Variants in PDE7B observed in about 807,000 individuals in gnomAD.
The protein encoded by PDE7B is phosphodiesterase 7B, also known as 3',5'-cyclic-AMP phosphodiesterase 7B.
PDE7B carries 29 observed loss-of-function variants against 56.2 expected under a neutral mutation model. That is an observed-to-expected ratio of 0.52 (90% CI 0.38 to 0.70). The LOEUF (loss-of-function observed/expected upper bound fraction) is 0.70. Ranked by LOEUF, PDE7B falls within the 30% of genes least tolerant of loss-of-function variation. The probability of loss-of-function intolerance (pLI) is 0.00; values close to 1 mark genes in which losing one functional copy is unlikely to be tolerated. For synonymous variants in PDE7B, 197 were observed against 196.9 expected, an observed-to-expected ratio of 1.00 and a Z score of 0.00; for missense variants, 490 against 565.0, an observed-to-expected ratio of 0.87 and a Z score of 1.35.
At chr6:135,884,909 G>A (rs1159948383) in intron 1 of PDE7B, among the ~76,000 whole-genome samples, 1 of 152,104 alleles carries the variant, frequency 6.6e-6, no homozygotes, top group Admixed American at 6.6e-5. Context: ...AACTTAGTTA[G>A]CATTCTACAG....
intron 1 of PDE7B, among the ~76,000 whole-genome samples, chr6:135,936,615 T>C (rs1774427282): frequency 6.6e-6 from 1 of 152,084 alleles, no homozygotes; most frequent in African/African-American, 2.4e-5. Flanking sequence ...CTTTTCTGGG[T>C]CAAATCTCCC....
intron 2 of PDE7B, among the ~76,000 whole-genome samples, chr6:135,994,165 T>C (rs1020078170): frequency 7.3e-6 from 1 of 137,674 alleles, no homozygotes; most frequent in African/African-American, 2.7e-5. Flanking sequence ...TGTGTGTGTG[T>C]TTTATGTATA....
At chr6:136,051,913 T>A (rs1473100544) in intron 2 of PDE7B, among the ~76,000 whole-genome samples, 1 of 152,158 alleles carries the variant, frequency 6.6e-6, no homozygotes, top group Non-Finnish European at 1.5e-5. Context: ...GACATTTTCC[T>A]AACTTCAGAA....
chr6:136,078,156 G>A (rs1457467052), intron 2 of PDE7B, among the ~76,000 whole-genome samples: 2 of 152,178 alleles, frequency 1.3e-5, no homozygotes, highest in East Asian at 3.8e-4. Flanking sequence ...ACTGGGCAAA[G>A]AGTTGTGAGT....
intron 2 of PDE7B, among the ~76,000 whole-genome samples, chr6:135,951,751 T>C (rs972283449): frequency 6.6e-6 from 1 of 152,182 alleles, no homozygotes; most frequent in African/African-American, 2.4e-5. Flanking sequence ...GAAATTTTCA[T>C]TGGCCCTGTT....
chr6:135,909,693 AATTTT>A (rs1194472698), intron 1 of PDE7B, among the ~76,000 whole-genome samples: 3 of 152,104 alleles, frequency 2.0e-5, no homozygotes, highest in Non-Finnish European at 4.4e-5. Flanking sequence ...TTATATTTTT[AATTTT>A]ATTTTATATT....
chr6:135,981,778 T>C (rs1389980637), intron 2 of PDE7B, among the ~76,000 whole-genome samples: 6 of 151,694 alleles, frequency 4.0e-5, no homozygotes. Flanking sequence ...TTTTTTTTTT[T>C]CAGAAGTAGG....
intron 2 of PDE7B, among the ~76,000 whole-genome samples, chr6:136,020,009 A>G (rs1257748795): frequency 6.6e-6 from 1 of 152,184 alleles, no homozygotes; most frequent in African/African-American, 2.4e-5. Context: ...TATGTTATTC[A>G]AGGGTCAACT....
intron 2 of PDE7B, among the ~76,000 whole-genome samples, chr6:136,035,714 G>A (rs147717892): frequency 1.1e-4 from 16 of 152,198 alleles, no homozygotes; most frequent in African/African-American, 2.9e-4. Flanking sequence ...GGAAGTATTC[G>A]TGCTCAGTGA....
intron 1 of PDE7B, among the ~76,000 whole-genome samples, chr6:135,867,611 G>A (rs1176764692): frequency 6.6e-6 from 1 of 152,032 alleles, no homozygotes; most frequent in Non-Finnish European, 1.5e-5. Context: ...AGGCCCCAGT[G>A]TGCACTGTTC....
Position 135,852,030 on chromosome 6 carries a change from C to T in PDE7B, c.21+11C>T, listed in dbSNP as rs777645634. 2 of 1,596,452 alleles carry T rather than the reference C, an allele frequency of 1.3e-6. No individual in the cohort carries two copies. Among genetic ancestry groups the T allele is most frequent in the Non-Finnish European group, 1.7e-6 (2 of 1,164,004 alleles). ...TGTTTAATGGTTGAGGTATGTACAA[C>T]AAATTTAAGCGGCAAGCTCAGTTTT... On this transcript the variant is annotated intron_variant, in intron 1 of 12. Coordinates refer to ENST00000308191, the MANE Select transcript of PDE7B (RefSeq NM_018945.4).
At chr6:136,059,118 A>G (rs1219991124) in intron 2 of PDE7B, among the ~76,000 whole-genome samples, 1 of 152,162 alleles carries the variant, frequency 6.6e-6, no homozygotes, top group African/African-American at 2.4e-5. Context: ...ACTAACAGCA[A>G]CTTTACAGTT....
At chr6:135,870,112 C>G (rs113981396) in intron 1 of PDE7B, among the ~76,000 whole-genome samples, 1 of 152,150 alleles carries the variant, frequency 6.6e-6, no homozygotes, top group Non-Finnish European at 1.5e-5. Context: ...ACATCATAAG[C>G]AGCTGGTGGG....
intron 2 of PDE7B, among the ~76,000 whole-genome samples, chr6:135,987,583 C>T (rs549283084): frequency 6.6e-6 from 1 of 152,226 alleles, no homozygotes; most frequent in Non-Finnish European, 1.5e-5. Context: ...CCCACTTATT[C>T]CTGGAGATGT....
intron 2 of PDE7B, among the ~76,000 whole-genome samples, chr6:136,041,285 A>G (rs1776408866): frequency 6.6e-6 from 1 of 152,212 alleles, no homozygotes; most frequent in Non-Finnish European, 1.5e-5. Flanking sequence ...TCACAAGTGA[A>G]GTAGAAAAAT....
intron 2 of PDE7B, among the ~76,000 whole-genome samples, chr6:135,993,500 A>G (rs1240282486): frequency 1.3e-5 from 2 of 152,124 alleles, no homozygotes; most frequent in Non-Finnish European, 2.9e-5. Flanking sequence ...CGCCCCTGAT[A>G]CAGCTGAGAA....
chr6:136,013,531 A>G (rs891812976), intron 2 of PDE7B, among the ~76,000 whole-genome samples: 1 of 152,238 alleles, frequency 6.6e-6, no homozygotes, highest in Non-Finnish European at 1.5e-5. Context: ...GTTAGGAATG[A>G]ATGTGGGGTG....
At chr6:135,945,505 TA>T (rs904162012) in intron 1 of PDE7B, among the ~76,000 whole-genome samples, 47 of 151,400 alleles carry the variant, frequency 3.1e-4, no homozygotes, top group African/African-American at 2.7e-4. Context: ...TAGGCCATCT[TA>T]AAAAAAAATG....
intron 1 of PDE7B, among the ~76,000 whole-genome samples, chr6:135,934,636 A>G (rs1052541206): frequency 1.2e-4 from 18 of 148,504 alleles, no homozygotes; most frequent in African/African-American, 4.5e-4. Context: ...AGGCTGAGGC[A>G]GGAGAATTGC....
Sources: allele counts gnomAD v4.1 joint callset (sites outside exome capture counted in the v4.1 genomes callset), GRCh38; gene constraint gnomAD v4.1.1; transcripts MANE v1.5; gene names NCBI Gene and HGNC (gene_info 2026-07-23, HGNC 2026-07-21).